The following ROCK2 variants were observed in gnomAD, a reference collection of about 807,000 sequenced individuals.
The protein encoded by ROCK2 is Rho associated coiled-coil containing protein kinase 2.
In ROCK2, 61 loss-of-function variants were observed where a neutral mutation model predicts 195.1. The ratio of observed to expected loss-of-function variants is 0.31; its 90% CI spans 0.25 to 0.39. The LOEUF (loss-of-function observed/expected upper bound fraction) is 0.39. Ranked by LOEUF, ROCK2 falls within the 10% of genes least tolerant of loss-of-function variation. The pLI is 1.00. For missense variants in ROCK2, 1,109 were observed against 1,637.4 expected (o/e 0.68, Z 5.57); for synonymous variants, 504 against 545.5 (o/e 0.92, Z 1.06).
rs192419048 is a variant in ROCK2, at chr2:11,237,792, T to C, written c.463-1830A>G. On this transcript the variant is annotated intron_variant, in intron 4 of 32. Transcript: ENST00000315872. ...GAATATAGTTTGACAAAATGAAGAATAGCTGGGCACAGCAGTGGCTCATGC... is the reference window on the plus strand; with the variant it reads ...GAATATAGTTTGACAAAATGAAGAACAGCTGGGCACAGCAGTGGCTCATGC... Among the ~76,000 whole-genome samples, 201 of 152,338 alleles carry C rather than the reference T, an allele frequency of 1.3e-3. 1 individual carries two copies. The South Asian group carries it at 0.013, about 10-fold the overall frequency.
At chr2:11,311,073 G>C (rs1023473925) in intron 1 of ROCK2, among the ~76,000 whole-genome samples, 2 of 151,090 alleles carry the variant, frequency 1.3e-5, no homozygotes, top group Non-Finnish European at 2.9e-5. Flanking sequence ...ATCAGCATGA[G>C]AGTAATTATA....
intron 10 of ROCK2, 103 bp downstream of exon 10, chr2:11,218,863 G>T (rs1664522211): frequency 1.1e-5 from 7 of 621,660 alleles, no homozygotes; most frequent in South Asian, 7.1e-5. Flanking sequence ...GCCATCTCAT[G>T]ATTTTAAAAG....
At position 11,227,307 on chromosome 2, in the gene ROCK2, CCATAG is replaced by C; in HGVS notation, c.810_814del (p.Phe270LeufsTer5). 1 of 1,613,878 alleles carries C rather than the reference CCATAG, an allele frequency of 6.2e-7. No individual in the cohort carries two copies. The highest frequency in any genetic ancestry group is 8.5e-7 in the Non-Finnish European group (1 of 1,179,864). Reference sequence around the variant, plus strand: ...TACAGACCACCAATCACATTCTCGCCCATAGAAACCATCACCCCCTTGTGATTTCA... The same window carrying C: ...TACAGACCACCAATCACATTCTCGCCAAACCATCACCCCCTTGTGATTTCA... On this transcript the variant is annotated frameshift_variant, in exon 6 of 33. Transcript: ENST00000315872. LOFTEE classifies it high-confidence loss of function.
chr2:11,282,543 C>A (rs1331013229), intron 3 of ROCK2, among the ~76,000 whole-genome samples: 3 of 136,676 alleles, frequency 2.2e-5, no homozygotes, highest in Non-Finnish European at 3.1e-5. Context: ...TGATCTTTGA[C>A]AAAGGAGCAG....
intron 3 of ROCK2, among the ~76,000 whole-genome samples, chr2:11,261,578 G>A (rs935536257): frequency 2.0e-5 from 3 of 152,152 alleles, no homozygotes; most frequent in Non-Finnish European, 4.4e-5. Context: ...CAACACTTTG[G>A]GAGGCTGAGG....
intron 4 of ROCK2, among the ~76,000 whole-genome samples, chr2:11,241,425 G>GA (rs930253242): frequency 2.0e-5 from 3 of 152,078 alleles, no homozygotes; most frequent in Non-Finnish European, 2.9e-5. Context: ...AGCTGAGACA[G>GA]AAAAAACATT....
At chr2:11,262,627 G>A (rs760519278) in intron 3 of ROCK2, among the ~76,000 whole-genome samples, 4 of 152,158 alleles carry the variant, frequency 2.6e-5, no homozygotes, top group Non-Finnish European at 4.4e-5. Flanking sequence ...TTTGCCTGCT[G>A]CCATCCATGT....
At chr2:11,253,454 G>A (rs1052482270) in intron 3 of ROCK2, among the ~76,000 whole-genome samples, 1 of 152,186 alleles carries the variant, frequency 6.6e-6, no homozygotes, top group African/African-American at 2.4e-5. Context: ...ACTCCTCAAA[G>A]AGGTCTTCTC....
rs540454065 is a variant in ROCK2, at chr2:11,203,923, A to G, written c.2550-1802T>C. On this transcript the variant is annotated intron_variant, in intron 20 of 32. Coordinates refer to ENST00000315872, the MANE Select transcript of ROCK2 (RefSeq NM_004850.5). The stretch of plus-strand genomic sequence containing the variant: ...ACATCAGGACCTTCTTCAAGAGCTG[A>G]TATCTTTCATTTATATGTAACTTTT... Among the ~76,000 whole-genome samples, 4 of 152,310 alleles carry G rather than the reference A, an allele frequency of 2.6e-5. No individual in the cohort carries two copies. The South Asian group carries it at 6.2e-4, about 24-fold the overall frequency.
chr2:11,311,115 G>A (rs955761069), intron 1 of ROCK2, among the ~76,000 whole-genome samples: 1 of 151,694 alleles, frequency 6.6e-6, no homozygotes, highest in Non-Finnish European at 1.5e-5. Flanking sequence ...CTACTATCTA[G>A]TACAGTGAAA....
At position 11,344,114 on chromosome 2, in the gene ROCK2, C is replaced by T. The variant is rs758361484; in HGVS notation, c.23G>A (p.Gly8Glu). The T allele has an allele frequency of 2.7e-6, 4 of 1,493,406 alleles. No individual in the cohort carries two copies. In the South Asian group the frequency reaches 3.9e-5, roughly 15 times the overall value. 92.5% of individuals were successfully genotyped at this position (1,493,406 alleles called of 1,614,324 possible). Residue 8 changes from glycine (G) to glutamate (E), a missense_variant, in exon 1 of 33, where the codon GGG (glycine) becomes GAG (glutamate). Gly to Glu is a moderately conservative substitution (Grantham distance 98, BLOSUM62 -2). Coordinates refer to ENST00000315872, the MANE Select transcript of ROCK2 (RefSeq NM_004850.5). The surrounding 1 kb of genome is among the most constrained non-coding windows in gnomAD (Gnocchi z 5.4). The stretch of plus-strand genomic sequence containing the variant: ...GGTCTCGGGGGCGCCGGGCATTTTC[C>T]CCGTCGGCGGGGGCCGGCTCATGCC... MSRPPPT[G>E]KMPGAPETAP...
intron 1 of ROCK2, among the ~76,000 whole-genome samples, chr2:11,335,828 C>T (rs1419863877): frequency 2.0e-5 from 3 of 152,004 alleles, no homozygotes. Context: ...CATGTGAGAA[C>T]AAAAAGTCAG....
intron 1 of ROCK2, among the ~76,000 whole-genome samples, chr2:11,316,813 A>T (rs951083855): frequency 1.3e-5 from 2 of 152,196 alleles, no homozygotes; most frequent in South Asian, 2.1e-4. Context: ...GAACAAAAAG[A>T]GAGGGCTAAA....
At chr2:11,221,159 C>A (rs1439823329) in intron 9 of ROCK2, 39 bp downstream of exon 9, 3 of 1,444,046 alleles carry the variant, frequency 2.1e-6, no homozygotes, top group Non-Finnish European at 2.8e-6. Flanking sequence ...TAGCTAGATT[C>A]TAAAAACAGT....
chr2:11,189,443 C>A (rs1460395185), intron 32 of ROCK2, among the ~76,000 whole-genome samples: 1 of 152,142 alleles, frequency 6.6e-6, no homozygotes, highest in Non-Finnish European at 1.5e-5. Flanking sequence ...CCATGCTACT[C>A]AATGAGATTT....
intron 1 of ROCK2, among the ~76,000 whole-genome samples, chr2:11,290,018 A>G (rs1317903736): frequency 6.6e-6 from 1 of 152,238 alleles, no homozygotes; most frequent in East Asian, 1.9e-4. Context: ...GGTTGATAAC[A>G]TATACATTTA....
chr2:11,192,150 AG>A lies in ROCK2; in HGVS notation c.4160del (p.Pro1387LeufsTer7). 2 of 1,582,198 alleles carry A rather than the reference AG, an allele frequency of 1.3e-6. No homozygotes were observed. Among genetic ancestry groups the A allele is most frequent in the Non-Finnish European group, 1.7e-6 (2 of 1,165,226 alleles). ...RPSRQLAPNK[P>X]S ...CTTACCACATTTTAGTTTATTACCTAGGTTTGTTTGGGGCAAGCTGTCGACT... is the reference window on the plus strand; with the variant it reads ...CTTACCACATTTTAGTTTATTACCTAGTTTGTTTGGGGCAAGCTGTCGACT... On this transcript the variant is annotated frameshift_variant, in exon 32 of 33. Coordinates refer to ENST00000315872, the MANE Select transcript of ROCK2 (RefSeq NM_004850.5). LOFTEE classifies it high-confidence loss of function. This position sits in a 1 kb window ranked among gnomAD's most constrained non-coding sequence, Gnocchi z 5.0.
chr2:11,255,208 C>T (rs1161185612), intron 3 of ROCK2, among the ~76,000 whole-genome samples: 8 of 90,234 alleles, frequency 8.9e-5, no homozygotes, highest in Non-Finnish European at 1.6e-4. Flanking sequence ...AAGAGCGAGA[C>T]CCCATCTCAA....
Position 11,230,108 on chromosome 2 carries a change from T to G in ROCK2, c.724-2710A>C, listed in dbSNP as rs139596370. ...TTTAGTATATACAATATATACCCCC[T>G]AACTCTGTCAGCTGGCAGGGCCTAG... is the stretch of plus-strand genomic sequence containing the variant. On this transcript the variant is annotated intron_variant, in intron 5 of 32. Coordinates refer to ENST00000315872, the MANE Select transcript of ROCK2 (RefSeq NM_004850.5). 3.2e-3 allele frequency among the ~76,000 whole-genome samples: 493 copies of G among 152,268 alleles called. 2 individuals carry two copies. Among genetic ancestry groups the G allele is most frequent in the African/African-American group, 0.011 (441 of 41,556 alleles).
Sources: allele counts gnomAD v4.1 joint callset (sites outside exome capture counted in the v4.1 genomes callset), GRCh38; gene constraint gnomAD v4.1.1; non-coding constraint Gnocchi (gnomAD v3.1); transcripts MANE v1.5; gene names NCBI Gene and HGNC (gene_info 2026-07-23, HGNC 2026-07-21).